Variants in CTNNA3 observed in about 807,000 individuals in gnomAD.
CTNNA3 encodes the protein catenin alpha-3.
Under a neutral mutation model 95.7 loss-of-function variants are expected in CTNNA3, and 76 were observed. The observed-to-expected ratio is 0.79, with a 90% CI of 0.66 to 0.96. The LOEUF (loss-of-function observed/expected upper bound fraction) is 0.96. CTNNA3 is among the 40% of genes least tolerant of loss of function. CTNNA3 has a pLI of 0.00. For missense variants in CTNNA3, 1,191 were observed against 1,089.8 expected, an observed-to-expected ratio of 1.09 and a Z score of -1.31; for synonymous variants, 431 against 374.4, an observed-to-expected ratio of 1.15 and a Z score of -1.74.
At chr10:67,064,310 T>C (rs1589684608) in intron 7 of CTNNA3, among the ~76,000 whole-genome samples, 1 of 152,134 alleles carries the variant, frequency 6.6e-6, no homozygotes, top group Non-Finnish European at 1.5e-5. Flanking sequence ...TCTTGTTAGG[T>C]TTAATTTCAT....
chr10:67,105,019 T>A (rs555164163), intron 7 of CTNNA3, among the ~76,000 whole-genome samples: 1 of 151,950 alleles, frequency 6.6e-6, no homozygotes, highest in Admixed American at 6.6e-5. Flanking sequence ...GTTGAAGATG[T>A]GGTAAAAAAC....
chr10:66,298,616 G>A (rs183556664), intron 12 of CTNNA3, among the ~76,000 whole-genome samples: 3 of 152,078 alleles, frequency 2.0e-5, no homozygotes, highest in East Asian at 3.9e-4. Context: ...TCCCTTTCGT[G>A]GATATTTTAT....
intron 1 of CTNNA3, among the ~76,000 whole-genome samples, chr10:67,664,760 C>T (rs1840288348): frequency 6.6e-6 from 1 of 152,152 alleles, no homozygotes; most frequent in Non-Finnish European, 1.5e-5. Flanking sequence ...GCAATCTTTT[C>T]TCATTTACCT....
chr10:67,146,056 C>T (rs1453962956), intron 7 of CTNNA3, among the ~76,000 whole-genome samples: 1 of 151,986 alleles, frequency 6.6e-6, no homozygotes, highest in Non-Finnish European at 1.5e-5. Context: ...TCTATGGATC[C>T]ATGTACTGCA....
At chr10:65,932,848 G>A (rs1337905924) in intron 17 of CTNNA3, among the ~76,000 whole-genome samples, 3 of 151,926 alleles carry the variant, frequency 2.0e-5, no homozygotes, top group Non-Finnish European at 2.9e-5. Context: ...TCTGAATGGT[G>A]CTCCCCAGCT....
rs577072143 is a variant in CTNNA3 at position 67,346,554 on chromosome 10, G to A, written c.580-126684C>T. On this transcript the variant is annotated intron_variant, in intron 5 of 17. Coordinates refer to ENST00000433211, the MANE Select transcript of CTNNA3 (RefSeq NM_013266.4). ...CTTAAGTGCTTTAAATTAAATTAATGAATAAATGGACCTTATTAGAACAGA... is the reference window on the plus strand; with the variant it reads ...CTTAAGTGCTTTAAATTAAATTAATAAATAAATGGACCTTATTAGAACAGA... 1.6e-4 allele frequency: 27 copies of A among 167,648 alleles called. No individual in the cohort carries two copies. The South Asian group carries it at 3.3e-3, about 20-fold the overall frequency. 10.4% of individuals were successfully genotyped at this position (167,648 alleles called of 1,614,324 possible). A position where few individuals can be genotyped will look rare whatever the true frequency, so the allele number is the denominator to read the frequency against.
intron 14 of CTNNA3, among the ~76,000 whole-genome samples, chr10:66,101,927 C>G (rs1247728470): frequency 6.6e-6 from 1 of 152,006 alleles, no homozygotes. Context: ...AATCAGTTTC[C>G]ACAAGCCATA....
At chr10:66,169,710 C>G (rs117908552) in intron 13 of CTNNA3, among the ~76,000 whole-genome samples, 1 of 152,062 alleles carries the variant, frequency 6.6e-6, no homozygotes, top group African/African-American at 2.4e-5. Context: ...TTGATAATGG[C>G]CATTCTTGCA....
chr10:67,228,729 T>C (rs1285172826), intron 5 of CTNNA3, among the ~76,000 whole-genome samples: 10 of 152,140 alleles, frequency 6.6e-5, no homozygotes. Flanking sequence ...CTAGAAAAGA[T>C]GGATAAATTC....
intron 7 of CTNNA3, among the ~76,000 whole-genome samples, chr10:66,905,864 A>C (rs1297631279): frequency 6.6e-6 from 1 of 152,218 alleles, no homozygotes; most frequent in Non-Finnish European, 1.5e-5. Flanking sequence ...TTTAATAGCT[A>C]TAAAGATTCA....
rs147392058 is a variant in CTNNA3, at chr10:67,135,904, C to G, written c.1047+44413G>C. On this transcript the variant is annotated intron_variant, in intron 7 of 17. Coordinates refer to ENST00000433211, the MANE Select transcript of CTNNA3 (RefSeq NM_013266.4). ...TACTATGTATTTGCATAACAAGTTT[C>G]AAGAACCACTTAAGAAGCAAAGCAG... Among the ~76,000 whole-genome samples the G allele has an allele frequency of 1.1e-3, 171 of 152,272 alleles. 1 individual carries two copies. The highest frequency in any genetic ancestry group is 4.0e-3 in the African/African-American group (165 of 41,566).
chr10:67,721,601 A>G (rs1432944471), intron 1 of CTNNA3, among the ~76,000 whole-genome samples: 8 of 152,176 alleles, frequency 5.3e-5, no homozygotes, highest in Non-Finnish European at 1.2e-4. Flanking sequence ...TTTGGTTAGA[A>G]CATGCTCCTT....
chr10:67,270,162 C>T (rs553666191), intron 5 of CTNNA3, among the ~76,000 whole-genome samples: 7 of 150,352 alleles, frequency 4.7e-5, no homozygotes, highest in African/African-American at 1.7e-4. Context: ...AAATACAGAA[C>T]CTGATTTGTC....
intron 3 of CTNNA3, among the ~76,000 whole-genome samples, chr10:67,599,489 G>C (rs2133364892): frequency 6.6e-6 from 1 of 152,134 alleles, no homozygotes; most frequent in East Asian, 1.9e-4. Context: ...TTTAAAAGAG[G>C]CTAGTCCTAA....
At chr10:66,005,952 ACTT>A (rs767689410) in intron 15 of CTNNA3, among the ~76,000 whole-genome samples, 77 of 151,634 alleles carry the variant, frequency 5.1e-4, no homozygotes, top group Non-Finnish European at 9.7e-4. Flanking sequence ...TGTGGTATAA[ACTT>A]CTCAGTGGTG....
intron 7 of CTNNA3, among the ~76,000 whole-genome samples, chr10:67,075,946 T>C (rs1856724815): frequency 6.6e-6 from 1 of 152,250 alleles, no homozygotes; most frequent in Non-Finnish European, 1.5e-5. Context: ...CATCTGCACA[T>C]GCAATTTCCT....
intron 7 of CTNNA3, among the ~76,000 whole-genome samples, chr10:66,794,918 C>T (rs1841129496): frequency 6.6e-6 from 1 of 152,144 alleles, no homozygotes; most frequent in Admixed American, 6.6e-5. Context: ...GAAGCAACTC[C>T]TCATCTGTCA....
At chr10:67,466,847 C>A (rs899034776) in intron 5 of CTNNA3, among the ~76,000 whole-genome samples, 15 of 152,326 alleles carry the variant, frequency 9.8e-5, no homozygotes, top group Non-Finnish European at 1.6e-4. Context: ...CTCTAACCTA[C>A]AAGCACTTTA....
At chr10:66,136,025 C>T (rs2083326808) in intron 13 of CTNNA3, among the ~76,000 whole-genome samples, 1 of 151,970 alleles carries the variant, frequency 6.6e-6, no homozygotes, top group Admixed American at 6.6e-5. Flanking sequence ...CCTCAACCTC[C>T]CAAGTAGCTG....
Sources: gnomAD v4.1 joint callset for allele counts (sites outside exome capture counted in the v4.1 genomes callset) on GRCh38, gnomAD v4.1.1 for gene constraint, MANE v1.5 for transcripts, NCBI Gene and HGNC (gene_info 2026-07-23, HGNC 2026-07-21) for gene names.